Variants in SLC4A8 observed in about 807,000 individuals in gnomAD.
The protein encoded by SLC4A8 is solute carrier family 4 member 8, also known as electroneutral sodium bicarbonate exchanger 1.
SLC4A8 carries 40 observed loss-of-function variants against 125.0 expected under a neutral mutation model. The observed-to-expected ratio is 0.32, with a 90% CI of 0.25 to 0.42. SLC4A8 has a LOEUF of 0.42. Ranked by LOEUF, SLC4A8 falls within the 10% of genes least tolerant of loss-of-function variation. The pLI is 1.00. For synonymous variants in SLC4A8, 456 were observed against 476.0 expected (o/e 0.96, Z 0.55); for missense variants, 863 against 1,355.1 (o/e 0.64, Z 5.70).
chr12:51,476,199 A>T (rs765209173), intron 16 of SLC4A8, among the ~76,000 whole-genome samples: 12 of 152,220 alleles, frequency 7.9e-5, no homozygotes, highest in Non-Finnish European at 1.8e-4. Context: ...GAATACACTC[A>T]TGCTGGGCGT....
intron 1 of SLC4A8, among the ~76,000 whole-genome samples, chr12:51,433,860 T>G (rs1206697370): frequency 1.2e-4 from 7 of 60,616 alleles, no homozygotes; most frequent in African/African-American, 4.0e-4. Flanking sequence ...TGTTTTTTTT[T>G]TTTTTTTTTT....
chr12:51,506,158 C>G (rs1938160308), intron 24 of SLC4A8, among the ~76,000 whole-genome samples: 1 of 152,180 alleles, frequency 6.6e-6, no homozygotes, highest in Admixed American at 6.5e-5. Context: ...GGTCCAAGGT[C>G]AGGAAGGGAT....
intron 1 of SLC4A8, among the ~76,000 whole-genome samples, chr12:51,397,075 G>GTGT (rs1397659121): frequency 1.3e-5 from 2 of 152,000 alleles, no homozygotes; most frequent in South Asian, 2.1e-4. Flanking sequence ...GATTACAGGT[G>GTGT]TGTGCCACCA....
intron 20 of SLC4A8, among the ~76,000 whole-genome samples, chr12:51,494,195 G>A (rs1951398702): frequency 6.6e-6 from 1 of 152,112 alleles, no homozygotes; most frequent in African/African-American, 2.4e-5. Flanking sequence ...AGGGTTCATT[G>A]GCAGAAGAGA....
At chr12:51,490,031 T>C in intron 19 of SLC4A8, 80 bp downstream of exon 19, 2 of 1,339,518 alleles carry the variant, frequency 1.5e-6, no homozygotes, top group Non-Finnish European at 1.1e-6. Context: ...GGAAATACAG[T>C]GGTGCCAAAT....
intron 22 of SLC4A8, among the ~76,000 whole-genome samples, chr12:51,503,351 A>G (rs1938017080): frequency 6.6e-6 from 1 of 150,788 alleles, no homozygotes; most frequent in African/African-American, 2.4e-5. Flanking sequence ...AGCTGGGACT[A>G]CAGGCGCCCG....
intron 1 of SLC4A8, among the ~76,000 whole-genome samples, chr12:51,399,808 G>C (rs6580829): frequency 0.91 from 138,688 of 152,168 alleles, 63,358 homozygotes; most frequent in Non-Finnish European, 0.94. Context: ...ATGGTGAAAC[G>C]CTGTCTCTAC....
intron 1 of SLC4A8, among the ~76,000 whole-genome samples, chr12:51,407,351 T>C (rs554180087): frequency 2.0e-5 from 3 of 152,256 alleles, no homozygotes; most frequent in African/African-American, 7.2e-5. Context: ...CTGGAACTCT[T>C]AGGCTCAAGC....
chr12:51,483,182 A>G (rs1353000918), intron 16 of SLC4A8, among the ~76,000 whole-genome samples: 1 of 152,118 alleles, frequency 6.6e-6, no homozygotes, highest in Non-Finnish European at 1.5e-5. Context: ...CCACCAGCCC[A>G]GTAGGTTTTG....
chr12:51,475,230 C>A, intron 16 of SLC4A8, 24 bp downstream of exon 16: 2 of 1,610,562 alleles, frequency 1.2e-6, no homozygotes, highest in Non-Finnish European at 1.7e-6. Flanking sequence ...TCATGCATTT[C>A]TTTCACGTTA....
intron 2 of SLC4A8, among the ~76,000 whole-genome samples, chr12:51,448,391 A>G (rs928673902): frequency 3.3e-5 from 5 of 152,234 alleles, no homozygotes; most frequent in African/African-American, 7.2e-5. Flanking sequence ...GAACAGAAAC[A>G]TGGAATGAGT....
chr12:51,437,839 G>A (rs765260852), intron 1 of SLC4A8, among the ~76,000 whole-genome samples: 50 of 152,110 alleles, frequency 3.3e-4, no homozygotes, highest in Non-Finnish European at 4.0e-4. Context: ...CAGTGCTCTC[G>A]GGATCAGTCA....
At chr12:51,423,171 A>C (rs1948830254), upstream of SLC4A8, among the ~76,000 whole-genome samples, 1 of 152,244 alleles carries the variant, frequency 6.6e-6, no homozygotes, top group East Asian at 1.9e-4. Flanking sequence ...CATTGCTTTC[A>C]AAGAACTTAT....
intron 1 of SLC4A8, among the ~76,000 whole-genome samples, chr12:51,408,251 G>A (rs1948529589): frequency 6.6e-6 from 1 of 152,050 alleles, no homozygotes; most frequent in African/African-American, 2.4e-5. Context: ...TGTTTTTGAG[G>A]CAGAGTCTCA....
chr12:51,445,063 C>T (rs952647207), intron 2 of SLC4A8, among the ~76,000 whole-genome samples: 2 of 152,198 alleles, frequency 1.3e-5, no homozygotes, highest in African/African-American at 4.8e-5. Flanking sequence ...CTGAAAGTCA[C>T]CTCTCACTGA....
At chr12:51,444,916 A>G (rs1949724891) in intron 2 of SLC4A8, among the ~76,000 whole-genome samples, 1 of 152,226 alleles carries the variant, frequency 6.6e-6, no homozygotes, top group South Asian at 2.1e-4. Flanking sequence ...CTAGCAGTAT[A>G]CCAGCATGAG....
At chr12:51,500,075 A>G (rs1937782572) in intron 22 of SLC4A8, among the ~76,000 whole-genome samples, 1 of 152,210 alleles carries the variant, frequency 6.6e-6, no homozygotes, top group Non-Finnish European at 1.5e-5. Flanking sequence ...TGAAAGAGGA[A>G]TCAAGTATGA....
At chr12:51,396,925 AT>A (rs753146267) in intron 1 of SLC4A8, among the ~76,000 whole-genome samples, 461 of 106,292 alleles carry the variant, frequency 4.3e-3, no homozygotes, top group African/African-American at 0.016. Context: ...GCCTTAGTTA[AT>A]TTTTTTTTTT....
chr12:51,456,520 G>T (rs1043314710), intron 5 of SLC4A8, among the ~76,000 whole-genome samples: 10 of 152,178 alleles, frequency 6.6e-5, no homozygotes, highest in African/African-American at 2.4e-4. Flanking sequence ...GATAGGTAAA[G>T]TGCCTAAAAG....
Sources: allele counts gnomAD v4.1 joint callset (sites outside exome capture counted in the v4.1 genomes callset), GRCh38; gene constraint gnomAD v4.1.1; transcripts MANE v1.5; gene names NCBI Gene and HGNC (gene_info 2026-07-23, HGNC 2026-07-21).